Variants in CTSO observed in about 807,000 individuals in gnomAD.
CTSO encodes the protein cathepsin O.
A neutral mutation model predicts 42.4 loss-of-function variants in CTSO; 40 were observed. The observed-to-expected ratio is 0.94, with a 90% CI of 0.73 to 1.23. CTSO has a LOEUF of 1.23. CTSO is among the 50% of genes most tolerant of loss of function. The pLI is 0.00. For missense variants in CTSO, 441 were observed against 396.0 expected, an observed-to-expected ratio of 1.11 and a Z score of -0.96; for synonymous variants, 156 against 146.2, an observed-to-expected ratio of 1.07 and a Z score of -0.48.
At chr4:155,937,781 AT>A (rs1295680069) in intron 4 of CTSO, among the ~76,000 whole-genome samples, 1 of 151,814 alleles carries the variant, frequency 6.6e-6, no homozygotes, top group African/African-American at 2.4e-5. Flanking sequence ...CGCCAGGCTA[AT>A]TTTTTGTATT....
chr4:155,936,386 T>C (rs1376164383), intron 5 of CTSO, among the ~76,000 whole-genome samples: 1 of 152,194 alleles, frequency 6.6e-6, no homozygotes, highest in Non-Finnish European at 1.5e-5. Context: ...TTGATTTCTT[T>C]CAGATCCCAT....
intron 3 of CTSO, among the ~76,000 whole-genome samples, chr4:155,941,536 T>C (rs569229989): frequency 5.9e-5 from 9 of 152,354 alleles, no homozygotes; most frequent in African/African-American, 2.2e-4. Flanking sequence ...TAAATTGCTA[T>C]ATTTATTGCA....
chr4:155,926,921 C>T (rs903168104), intron 7 of CTSO, among the ~76,000 whole-genome samples: 2 of 152,156 alleles, frequency 1.3e-5, no homozygotes, highest in Non-Finnish European at 2.9e-5. Flanking sequence ...CAGCCCAAAT[C>T]CAGGATCCAC....
At chr4:155,933,804 G>A (rs753296749) in intron 5 of CTSO, among the ~76,000 whole-genome samples, 18 of 152,144 alleles carry the variant, frequency 1.2e-4, no homozygotes, top group African/African-American at 1.7e-4. Context: ...GGTATCTGGC[G>A]GAAGAAATTT....
Position 155,924,564 on chromosome 4 carries a change from A to T in CTSO, c.*1472T>A, listed in dbSNP as rs1743097165. 6.6e-6 allele frequency: 1 copy of T among 151,876 alleles called. No individual in the cohort carries two copies. The highest frequency in any genetic ancestry group is 1.5e-5 in the Non-Finnish European group (1 of 67,972). The allele number at this position is 151,876 out of a possible 1,614,324, so 9.4% of individuals were successfully genotyped here. A position where few individuals can be genotyped will look rare whatever the true frequency, so the allele number is the denominator to read the frequency against. On this transcript the variant is annotated 3_prime_UTR_variant, in exon 8 of 8. Transcript: ENST00000433477. Reference sequence around the variant, plus strand: ...TGGTTGCTACTGCATTTCATGTTTCATTTTTGTTAGATCATATACATTAGA... The same window carrying T: ...TGGTTGCTACTGCATTTCATGTTTCTTTTTTGTTAGATCATATACATTAGA...
intron 5 of CTSO, among the ~76,000 whole-genome samples, chr4:155,932,867 G>A (rs1743260333): frequency 6.6e-6 from 1 of 152,014 alleles, no homozygotes; most frequent in Non-Finnish European, 1.5e-5. Context: ...ATCTGTTCCT[G>A]TCTTAGACTT....
chr4:155,938,435 C>T (rs1374954010), intron 4 of CTSO, among the ~76,000 whole-genome samples: 1 of 152,154 alleles, frequency 6.6e-6, no homozygotes, highest in Non-Finnish European at 1.5e-5. Flanking sequence ...AAACTAATAG[C>T]ACCCTCATTG....
intron 1 of CTSO, among the ~76,000 whole-genome samples, chr4:155,944,145 T>A (rs1422276083): frequency 1.3e-5 from 2 of 152,232 alleles, no homozygotes; most frequent in Non-Finnish European, 2.9e-5. Flanking sequence ...ACTTAGCACA[T>A]GGCTGACACA....
At chr4:155,952,797 C>T (rs1743700318) in intron 1 of CTSO, among the ~76,000 whole-genome samples, 1 of 152,166 alleles carries the variant, frequency 6.6e-6, no homozygotes, top group Non-Finnish European at 1.5e-5. Flanking sequence ...GATACACTTC[C>T]TTGAGCAATA....
chr4:155,951,892 T>A (rs1743681157), intron 1 of CTSO, among the ~76,000 whole-genome samples: 2 of 152,092 alleles, frequency 1.3e-5, no homozygotes, highest in Non-Finnish European at 2.9e-5. Context: ...AATCCATCCA[T>A]CTCCCCCACT....
chr4:155,939,644 G>T, intron 3 of CTSO, 106 bp from the exon 4 acceptor site: 1 of 1,017,928 alleles, frequency 9.8e-7, no homozygotes, highest in Admixed American at 2.5e-5. Context: ...CCAGATTCTG[G>T]AAACCTACAA....
chr4:155,953,689 C>CCCGGGGAGGCGCGCGCTCGGTA, intron 1 of CTSO, 24 bp downstream of exon 1: 1 of 1,258,142 alleles, frequency 7.9e-7, no homozygotes, highest in Non-Finnish European at 1.0e-6. Flanking sequence ...AGGGACAGAT[C>CCCGGGGAGGCGCGCGCTCGGTA]CCGGGGAGGC....
intron 7 of CTSO, among the ~76,000 whole-genome samples, chr4:155,928,082 C>A (rs1014424130): frequency 4.6e-5 from 7 of 151,898 alleles, no homozygotes; most frequent in African/African-American, 1.2e-4. Context: ...AAGCAATTAA[C>A]CTTGGTAAAT....
chr4:155,938,085 G>A (rs969737359), intron 4 of CTSO, among the ~76,000 whole-genome samples: 6 of 151,810 alleles, frequency 4.0e-5, no homozygotes, highest in African/African-American at 1.2e-4. Context: ...TTCTCCTGAC[G>A]GTGCTATAGG....
rs1743392985 is a variant in CTSO, at chr4:155,939,578, T to G, written c.385-40A>C. 6 of 1,542,166 alleles carry G rather than the reference T, an allele frequency of 3.9e-6. No homozygotes were observed. In the East Asian group the frequency reaches 1.4e-4, roughly 35 times the overall value. ...AAAAAGGGGTGGTATTTCCAGGGTTTAAATCAACTTACCAACATCTCTAAA... is the reference window on the plus strand; with the variant it reads ...AAAAAGGGGTGGTATTTCCAGGGTTGAAATCAACTTACCAACATCTCTAAA... On this transcript the variant is annotated intron_variant, in intron 3 of 7. Coordinates refer to ENST00000433477, the MANE Select transcript of CTSO (RefSeq NM_001334.3).
chr4:155,926,562 C>T (rs1203854437), intron 7 of CTSO, among the ~76,000 whole-genome samples: 2 of 152,178 alleles, frequency 1.3e-5, no homozygotes, highest in South Asian at 2.1e-4. Context: ...TATCTGAAGA[C>T]TGGTTTTTAT....
intron 3 of CTSO, among the ~76,000 whole-genome samples, chr4:155,939,739 T>C (rs761185256): frequency 5.9e-5 from 9 of 152,208 alleles, no homozygotes; most frequent in Non-Finnish European, 1.3e-4. Context: ...AATTATTAGT[T>C]CATGTTGTCA....
intron 1 of CTSO, among the ~76,000 whole-genome samples, chr4:155,950,234 T>C (rs1387547521): frequency 3.9e-5 from 6 of 152,224 alleles, no homozygotes; most frequent in Admixed American, 3.9e-4. Context: ...TATAAGTCTT[T>C]ACATTCTTTT....
At chr4:155,933,621 A>G (rs1292191933) in intron 5 of CTSO, among the ~76,000 whole-genome samples, 1 of 152,200 alleles carries the variant, frequency 6.6e-6, no homozygotes, top group Non-Finnish European at 1.5e-5. Context: ...CAAAATGCCA[A>G]TAGTGATATG....
Sources: gnomAD v4.1 joint callset for allele counts (sites outside exome capture counted in the v4.1 genomes callset) on GRCh38, gnomAD v4.1.1 for gene constraint, MANE v1.5 for transcripts, NCBI Gene and HGNC (gene_info 2026-07-23, HGNC 2026-07-21) for gene names.